ARMC5: variants seen among roughly 807,000 people sequenced by gnomAD.
The protein encoded by ARMC5 is armadillo repeat-containing protein 5.
In ARMC5, 28 loss-of-function variants were observed where a neutral mutation model predicts 60.5. That is an observed-to-expected ratio of 0.46 (90% CI 0.34 to 0.63). ARMC5 has a LOEUF of 0.63. ARMC5 is among the 30% of genes least tolerant of loss of function. ARMC5 has a pLI of 0.01. For synonymous variants in ARMC5, 680 were observed against 607.3 expected (o/e 1.12, Z -1.76); for missense variants, 1,189 against 1,304.9 (o/e 0.91, Z 1.37).
At chr16:31,458,344 G>A, upstream of ARMC5, 1 of 1,478,162 alleles carries the variant, frequency 6.8e-7, no homozygotes. Flanking sequence ...GGATCAGGTT[G>A]GAGCTGACGC....
upstream of ARMC5, chr16:31,459,369 G>A (rs1318001578): frequency 6.5e-6 from 10 of 1,536,242 alleles, no homozygotes; most frequent in Admixed American, 2.0e-5. Flanking sequence ...TGCAAGGACA[G>A]ACTTCCGGGG....
Position 31,459,920 on chromosome 16 carries a change from G to T in ARMC5, c.396G>T (p.Ala132=). Residue 132 remains alanine, a synonymous_variant, in exon 1 of 6, where the codon GCG becomes GCT. Coordinates refer to ENST00000268314, the MANE Select transcript of ARMC5 (RefSeq NM_001105247.2). ...GCCTGCGCAAGACGCTGGACTTGGC[G>T]CTCAGCATCCTAGCCGATTGCTGTA... is the stretch of plus-strand genomic sequence containing the variant. ...PVRLRKTLDL[A]LSILADCCTE... is the part of the protein sequence containing the mutation. 1.2e-6 allele frequency: 2 copies of T among 1,605,938 alleles called. No individual in the cohort carries two copies. Among genetic ancestry groups the T allele is most frequent in the Non-Finnish European group, 1.7e-6 (2 of 1,179,756 alleles).
Position 31,462,749 on chromosome 16 carries a change from C to T in ARMC5, c.1202C>T (p.Thr401Ile). 1.9e-6 allele frequency: 3 copies of T among 1,613,924 alleles called. No individual in the cohort carries two copies. Among genetic ancestry groups the T allele is most frequent in the East Asian group, 2.2e-5 (1 of 44,884 alleles). Residue 401 changes from threonine to isoleucine, a missense_variant, in exon 3 of 6, where the codon ACT becomes ATT. Physicochemically the swap from Thr to Ile is moderately conservative, Grantham distance 89. Coordinates refer to ENST00000268314, the MANE Select transcript of ARMC5 (RefSeq NM_001105247.2). The surrounding 1 kb of genome is among the most constrained non-coding windows in gnomAD (Gnocchi z 7.2). ...GCCCTTGTGGGGTTTCTGTATGACA[C>T]TGGGGCCCTGGGCCGGCTGCAGGCT... ...VAALVGFLYD[T>I]GALGRLQALG...
upstream of ARMC5, chr16:31,458,877 C>A: frequency 6.5e-7 from 1 of 1,535,620 alleles, no homozygotes; most frequent in South Asian, 1.2e-5. Context: ...AGCTCACGAG[C>A]ACGTCCAGAG....
Position 31,466,313 on chromosome 16 carries a change from T to C in ARMC5, c.2232T>C (p.Pro744=). 1 of 1,613,792 alleles carries C rather than the reference T, an allele frequency of 6.2e-7. No individual in the cohort carries two copies. The highest frequency in any genetic ancestry group is 8.5e-7 in the Non-Finnish European group (1 of 1,179,862). The change falls in exon 6 of 6, where the codon CCT becomes CCC. Residue 744 remains proline (P), a synonymous_variant. Transcript: ENST00000268314. This position sits in a 1 kb window ranked among gnomAD's most constrained non-coding sequence, Gnocchi z 8.0. The part of the protein sequence containing the change: ...CLYEPLLGPA[P]VPAPDLHFLL... ...ATGAACCTCTGCTGGGCCCAGCCCC[T>C]GTCCCAGCTCCCGACCTGCACTTCC...
Position 31,462,192 on chromosome 16 carries a change from C to T in ARMC5, c.645C>T (p.Ser215=), listed in dbSNP as rs750013429. 1.7e-5 allele frequency: 27 copies of T among 1,611,972 alleles called. No homozygotes were observed. The highest frequency in any genetic ancestry group is 2.7e-5 in the African/African-American group (2 of 74,908). The part of the protein sequence containing the change: ...TACQDSQCLQ[S]VVRALRNLAD... Reference sequence around the variant, plus strand: ...GCCAGGACTCGCAGTGCCTACAGAGCGTGGTGCGTGCCCTCCGTAACCTGG... The same window carrying T: ...GCCAGGACTCGCAGTGCCTACAGAGTGTGGTGCGTGCCCTCCGTAACCTGG... The change falls in exon 3 of 6, where the codon AGC becomes AGT. Residue 215 remains serine (S), a synonymous_variant. Coordinates refer to ENST00000268314, the MANE Select transcript of ARMC5 (RefSeq NM_001105247.2). The surrounding 1 kb of genome is among the most constrained non-coding windows in gnomAD (Gnocchi z 7.2).
Position 31,459,707 on chromosome 16 carries a change from C to T in ARMC5, c.183C>T (p.Phe61=). ...HIKAAGGIER[F]RARGGLRPLL... The stretch of plus-strand genomic sequence containing the variant: ...AGGCAGCGGGGGGAATCGAGCGCTT[C>T]CGGGCACGCGGCGGGCTCCGCCCCC... Residue 61 remains phenylalanine, a synonymous_variant, in exon 1 of 6, where the codon TTC becomes TTT. Coordinates refer to ENST00000268314, the MANE Select transcript of ARMC5 (RefSeq NM_001105247.2). The T allele has an allele frequency of 6.4e-7, 1 of 1,564,014 alleles. No homozygotes were observed. The highest frequency in any genetic ancestry group is 1.2e-5 in the South Asian group (1 of 86,686).
In ARMC5 at chr16:31,466,372, G is replaced by C. The variant is rs267604528; in HGVS notation, c.2291G>C (p.Arg764Pro). 6.2e-7 allele frequency: 1 copy of C among 1,612,924 alleles called. No homozygotes were observed. The highest frequency in any genetic ancestry group is 1.7e-5 in the Admixed American group (1 of 60,012). The change falls in exon 6 of 6, where the codon CGA (arginine) becomes CCA (proline). Residue 764 changes from arginine to proline, a missense_variant. By Grantham distance (103) the Arg-to-Pro change is moderately radical (BLOSUM62 -2). Around this residue, in one of 2 missense-constraint regions of ARMC5, gnomAD observed 862 missense variants for 1,071.2 expected, o/e 0.80. Coordinates refer to ENST00000268314, the MANE Select transcript of ARMC5 (RefSeq NM_001105247.2). The surrounding 1 kb of genome is among the most constrained non-coding windows in gnomAD (Gnocchi z 8.0). ...LDSGLQLPAQ[R>P]AASATASPFF... ...TCAGGCCTCCAGCTCCCTGCCCAGC[G>C]AGCGGCCTCAGCCACCGCCTCCCCT...
At position 31,459,741 on chromosome 16, in the gene ARMC5, C is replaced by A; in HGVS notation, c.217C>A (p.Leu73Met). The A allele has an allele frequency of 6.5e-7, 1 of 1,549,224 alleles. No homozygotes were observed. Among genetic ancestry groups the A allele is most frequent in the East Asian group, 2.4e-5 (1 of 41,006 alleles). The change falls in exon 1 of 6, where the codon CTG becomes ATG. Residue 73 changes from leucine (L) to methionine (M), a missense_variant. By Grantham distance (15) the Leu-to-Met change is conservative. Transcript: ENST00000268314. ...CGGCGGGCTCCGCCCCCTACTCGCG[C>A]TGCTACGGCGAGCGGCTGCAGCGGG... ...ARGGLRPLLA[L>M]LRRAAAAGSA...
At chr16:31,460,023 T>G (rs765237983) in intron 1 of ARMC5, 24 bp downstream of exon 1, 1 of 1,591,228 alleles carries the variant, frequency 6.3e-7, no homozygotes, top group African/African-American at 1.4e-5. Context: ...CCCCGTTTCC[T>G]AGAAAGATTA....
Position 31,462,835 on chromosome 16 carries a change from G to T in ARMC5, c.1288G>T (p.Glu430Ter). ...LCGEAGEEEE[E>*]GREAASWDFP... ...TGGTGAGGCTGGTGAGGAGGAAGAA[G>T]AGGGAAGAGAAGCTGCTTCCTGGGA... The change falls in exon 3 of 6, where the codon GAG becomes TAG. Residue 430 changes from glutamate to a stop codon, truncating the protein, a stop_gained. Transcript: ENST00000268314. LOFTEE classifies it high-confidence loss of function. The surrounding 1 kb of genome is among the most constrained non-coding windows in gnomAD (Gnocchi z 7.2). The T allele has an allele frequency of 6.2e-7, 1 of 1,614,096 alleles. No homozygotes were observed. Among genetic ancestry groups the T allele is most frequent in the Non-Finnish European group, 8.5e-7 (1 of 1,180,024 alleles).
In ARMC5 at chr16:31,466,764, C is replaced by G; in HGVS notation, c.2683C>G (p.Pro895Ala). The change falls in exon 6 of 6, where the codon CCG becomes GCG. Residue 895 changes from proline to alanine, a missense_variant. Physicochemically the swap from Pro to Ala is conservative, Grantham distance 27 (BLOSUM62 -1). This residue lies in a region of ARMC5 where 862 missense variants were observed against 1,071.2 expected (regional missense o/e 0.80). Transcript: ENST00000268314. The surrounding 1 kb of genome is among the most constrained non-coding windows in gnomAD (Gnocchi z 8.0). The stretch of plus-strand genomic sequence containing the variant: ...CTGGACACTGGGGTCAGAGCAGTGC[C>G]CGAGGAAGCGGGGTCTGGCCCTGGT... Reference protein sequence around the residue: ...ARWTLGSEQCPRKRGLALVGL... With the variant: ...ARWTLGSEQCARKRGLALVGL... 6.4e-7 allele frequency: 1 copy of G among 1,573,208 alleles called. No homozygotes were observed. The highest frequency in any genetic ancestry group is 8.6e-7 in the Non-Finnish European group (1 of 1,161,070).
rs2082329983 is a variant in ARMC5, at chr16:31,464,314, AAAG to A, written c.1371-78_1371-76del. On this transcript the variant is annotated intron_variant, in intron 3 of 5. Coordinates refer to ENST00000268314, the MANE Select transcript of ARMC5 (RefSeq NM_001105247.2). This position sits in a 1 kb window ranked among gnomAD's most constrained non-coding sequence, Gnocchi z 7.6. ...CTTTAAAAAAAAAAAAAAAAAAAAA[AAAG>A]ACGCCTCACGCCTCTTGGACTCTGC... 2.8e-6 allele frequency: 3 copies of A among 1,057,014 alleles called. No individual in the cohort carries two copies. Among genetic ancestry groups the A allele is most frequent in the African/African-American group, 1.8e-5 (1 of 57,104 alleles). The allele number at this position is 1,057,014 out of a possible 1,614,324, so 65.5% of individuals were successfully genotyped here. A position where few individuals can be genotyped will look rare whatever the true frequency, so the allele number is the denominator to read the frequency against.
At position 31,466,611 on chromosome 16, in the gene ARMC5, C is replaced by G; in HGVS notation, c.2530C>G (p.Leu844Val). 1 of 1,604,350 alleles carries G rather than the reference C, an allele frequency of 6.2e-7. No homozygotes were observed. The highest frequency in any genetic ancestry group is 1.1e-5 in the South Asian group (1 of 89,884). ...EALEAAGRFLLPGLEEELEEA... is the reference protein window; with the variant it reads ...EALEAAGRFLVPGLEEELEEA... The stretch of plus-strand genomic sequence containing the variant: ...ACTGGAGGCTGCTGGCCGTTTCCTA[C>G]TGCCTGGGCTGGAGGAGGAGCTGGA... The change falls in exon 6 of 6, where the codon CTG (leucine) becomes GTG (valine). Residue 844 changes from leucine to valine, a missense_variant. By Grantham distance (32) the Leu-to-Val change is conservative. Coordinates refer to ENST00000268314, the MANE Select transcript of ARMC5 (RefSeq NM_001105247.2). This position sits in a 1 kb window ranked among gnomAD's most constrained non-coding sequence, Gnocchi z 8.0.
intron 4 of ARMC5, 199 bp downstream of exon 4, chr16:31,465,086 C>T: frequency 6.2e-7 from 1 of 1,614,064 alleles, no homozygotes; most frequent in Non-Finnish European, 8.5e-7. Flanking sequence ...TCTGCTGTGT[C>T]CTCTGCCCTA....
In ARMC5 at chr16:31,466,636, A is replaced by T. The variant is rs1245412854; in HGVS notation, c.2555A>T (p.Glu852Val). Residue 852 changes from glutamate to valine, a missense_variant, in exon 6 of 6, where the codon GAA becomes GTA. Transcript: ENST00000268314. This position sits in a 1 kb window ranked among gnomAD's most constrained non-coding sequence, Gnocchi z 8.0. ...CTGCCTGGGCTGGAGGAGGAGCTGG[A>T]AGAGGCCGTGGGCCGCATCCACCTG... is the stretch of plus-strand genomic sequence containing the variant. ...FLLPGLEEELEEAVGRIHLGP... is the reference protein window; with the variant it reads ...FLLPGLEEELVEAVGRIHLGP... The T allele has an allele frequency of 6.3e-7, 1 of 1,596,924 alleles. No individual in the cohort carries two copies. The highest frequency in any genetic ancestry group is 1.3e-5 in the African/African-American group (1 of 74,666).
At position 31,464,410 on chromosome 16, in the gene ARMC5, G is replaced by A. The variant is rs374123135; in HGVS notation, c.1387G>A (p.Glu463Lys). 43 of 1,531,708 alleles carry A rather than the reference G, an allele frequency of 2.8e-5. No individual in the cohort carries two copies. Among genetic ancestry groups the A allele is most frequent in the Admixed American group, 4.2e-5 (2 of 47,580 alleles). The allele number at this position is 1,531,708 out of a possible 1,614,324, so 94.9% of individuals were successfully genotyped here. Residue 463 changes from glutamate to lysine, a missense_variant, in exon 4 of 6, where the codon GAG (glutamate) becomes AAG (lysine). Transcript: ENST00000268314. This position sits in a 1 kb window ranked among gnomAD's most constrained non-coding sequence, Gnocchi z 7.6. ...CCTCCGCAGGTCGTGGCTGATCTCC[G>A]AGGGCTATGCCACAGGCCCTGATGA... ...FRSLRSWLISEGYATGPDDIS... is the reference protein window; with the variant it reads ...FRSLRSWLISKGYATGPDDIS...
rs772116305 is a variant in ARMC5 at position 31,462,164 on chromosome 16, C to G, written c.617C>G (p.Ala206Gly). The G allele has an allele frequency of 2.5e-6, 4 of 1,612,682 alleles. No homozygotes were observed. The highest frequency in any genetic ancestry group is 2.2e-5 in the South Asian group (2 of 91,012). Reference sequence around the variant, plus strand: ...CCCCTGCTTGTGGAGAGCCTGACAGCCTGCCAGGACTCGCAGTGCCTACAG... The same window carrying G: ...CCCCTGCTTGTGGAGAGCCTGACAGGCTGCCAGGACTCGCAGTGCCTACAG... ...AVPLLVESLT[A>G]CQDSQCLQSV... Residue 206 changes from alanine to glycine, a missense_variant, in exon 3 of 6, where the codon GCC becomes GGC. Ala to Gly is a moderately conservative substitution (Grantham distance 60). Around this residue, in one of 2 missense-constraint regions of ARMC5, gnomAD observed 862 missense variants for 1,071.2 expected, o/e 0.80. Coordinates refer to ENST00000268314, the MANE Select transcript of ARMC5 (RefSeq NM_001105247.2). This position sits in a 1 kb window ranked among gnomAD's most constrained non-coding sequence, Gnocchi z 7.2.
rs746336582 is a variant in ARMC5, at chr16:31,464,380, T to G, written c.1371-14T>G. The G allele has an allele frequency of 1.3e-6, 2 of 1,504,702 alleles. No individual in the cohort carries two copies. Among genetic ancestry groups the G allele is most frequent in the South Asian group, 2.7e-5 (2 of 74,482 alleles). 93.2% of individuals were successfully genotyped at this position (1,504,702 alleles called of 1,614,324 possible). A position where few individuals can be genotyped will look rare whatever the true frequency, so the allele number is the denominator to read the frequency against. ...GCTCTGGGTTCAGTCTCCTTCCCTTTCTGCCCTCCGCAGGTCGTGGCTGAT... is the reference window on the plus strand; with the variant it reads ...GCTCTGGGTTCAGTCTCCTTCCCTTGCTGCCCTCCGCAGGTCGTGGCTGAT... On this transcript the variant is annotated splice_polypyrimidine_tract_variant and intron_variant, in intron 3 of 5. Coordinates refer to ENST00000268314, the MANE Select transcript of ARMC5 (RefSeq NM_001105247.2). The surrounding 1 kb of genome is among the most constrained non-coding windows in gnomAD (Gnocchi z 7.6).
Sources: gnomAD v4.1 joint callset for allele counts on GRCh38, gnomAD v4.1.1 for gene constraint, gnomAD v4.1.1 regional missense constraint, Gnocchi (gnomAD v3.1) non-coding constraint, MANE v1.5 for transcripts, NCBI Gene and HGNC (gene_info 2026-07-23, HGNC 2026-07-21) for gene names.